RUNX1: variants seen among roughly 807,000 people sequenced by gnomAD.
The protein encoded by RUNX1 is runt-related transcription factor 1.
In RUNX1, 19 loss-of-function variants were observed where a neutral mutation model predicts 42.8. The observed-to-expected ratio is 0.44, with a 90% CI of 0.31 to 0.65. RUNX1 has a LOEUF of 0.65. RUNX1 is among the 30% of genes least tolerant of loss of function. RUNX1 has a pLI of 0.07. For synonymous variants in RUNX1, 271 were observed against 289.4 expected, an observed-to-expected ratio of 0.94 and a Z score of 0.64; for missense variants, 528 against 672.0, an observed-to-expected ratio of 0.79 and a Z score of 2.37.
At chr21:34,841,457 T>C (rs1204781208) in intron 6 of RUNX1, among the ~76,000 whole-genome samples, 1 of 152,180 alleles carries the variant, frequency 6.6e-6, no homozygotes, top group Middle Eastern at 3.2e-3. Flanking sequence ...GGGGCTTTCC[T>C]ACTCTGGGCC....
chr21:34,872,114 G>A (rs1368405000), intron 5 of RUNX1, among the ~76,000 whole-genome samples: 1 of 152,186 alleles, frequency 6.6e-6, no homozygotes, highest in African/African-American at 2.4e-5. Context: ...AAAGTGCTGG[G>A]ATTACAGGTG....
At chr21:34,853,452 G>A (rs1056350161) in intron 6 of RUNX1, among the ~76,000 whole-genome samples, 11 of 152,100 alleles carry the variant, frequency 7.2e-5, no homozygotes, top group Admixed American at 5.9e-4. Context: ...CTCAAAAAGC[G>A]GCCAGTGCAG....
intron 5 of RUNX1, among the ~76,000 whole-genome samples, chr21:34,862,173 G>C (rs1198125998): frequency 6.6e-6 from 1 of 151,978 alleles, no homozygotes; most frequent in Non-Finnish European, 1.5e-5. Flanking sequence ...TACAAGTTTG[G>C]GGATGCAATA....
intron 2 of RUNX1, among the ~76,000 whole-genome samples, chr21:34,926,541 AC>A (rs2058396373): frequency 1.7e-5 from 1 of 57,890 alleles, no homozygotes; most frequent in African/African-American, 4.9e-5. Context: ...TACAACAAAC[AC>A]AAATTGTGTT....
At chr21:35,035,238 T>A (rs1417382978) in intron 2 of RUNX1, among the ~76,000 whole-genome samples, 1 of 152,232 alleles carries the variant, frequency 6.6e-6, no homozygotes, top group Non-Finnish European at 1.5e-5. Context: ...ATCATCATCG[T>A]CACACTGTAC....
intron 3 of RUNX1, among the ~76,000 whole-genome samples, chr21:34,892,273 A>G (rs1008835357): frequency 4.6e-5 from 7 of 152,234 alleles, no homozygotes; most frequent in African/African-American, 1.7e-4. Context: ...CCTGCCATAC[A>G]CACTATCCAG....
intron 2 of RUNX1, among the ~76,000 whole-genome samples, chr21:34,985,045 G>A (rs1397738328): frequency 2.6e-5 from 4 of 152,156 alleles, no homozygotes; most frequent in African/African-American, 4.8e-5. Flanking sequence ...CACAGGTTAG[G>A]ATGAAAAAAT....
At chr21:34,997,382 T>TA (rs769097875) in intron 2 of RUNX1, among the ~76,000 whole-genome samples, 4 of 152,200 alleles carry the variant, frequency 2.6e-5, no homozygotes, top group Non-Finnish European at 4.4e-5. Context: ...TAGGGCAGTG[T>TA]AATGCCTATG....
rs758593641 is a variant in RUNX1, at chr21:34,834,430, T to C, written c.785A>G (p.Gln262Arg). 6.2e-7 allele frequency: 1 copy of C among 1,608,660 alleles called. No homozygotes were observed. Among genetic ancestry groups the C allele is most frequent in the South Asian group, 1.1e-5 (1 of 91,004 alleles). Residue 262 changes from glutamine to arginine, a missense_variant, in exon 7 of 9, where the codon CAG (glutamine) becomes CGG (arginine). By Grantham distance (43) the Gln-to-Arg change is conservative (BLOSUM62 1). Around this residue, in one of 3 missense-constraint regions of RUNX1, gnomAD observed 331 missense variants for 382.5 expected, o/e 0.87. Coordinates refer to ENST00000675419, the MANE Select transcript of RUNX1 (RefSeq NM_001754.5). ...CTTACCCTGCATCTGACTCTGAGGCTGAGGGTTAAAGGCAGTGGAGTGGTT... is the reference window on the plus strand; with the variant it reads ...CTTACCCTGCATCTGACTCTGAGGCCGAGGGTTAAAGGCAGTGGAGTGGTT... ...SLNHSTAFNP[Q>R]PQSQMQDTRQ...
At chr21:34,841,942 C>T (rs1187802723) in intron 6 of RUNX1, among the ~76,000 whole-genome samples, 1 of 152,122 alleles carries the variant, frequency 6.6e-6, no homozygotes, top group East Asian at 1.9e-4. Context: ...TGTATTTTTT[C>T]TGCACAGCCA....
chr21:35,048,771 G>T, intron 2 of RUNX1, 71 bp downstream of exon 2: 1 of 1,342,586 alleles, frequency 7.4e-7, no homozygotes, highest in Non-Finnish European at 1.1e-6. Context: ...GCACCGAGGT[G>T]AAACAAGCTG....
intron 3 of RUNX1, 153 bp from the exon 4 acceptor site, chr21:34,887,249 G>GT (rs2058010393): frequency 1.5e-6 from 1 of 651,050 alleles, no homozygotes; most frequent in Non-Finnish European, 2.3e-6. Context: ...GGGTGGGGGG[G>GT]GGCGGGGGTG....
intron 2 of RUNX1, among the ~76,000 whole-genome samples, chr21:34,908,088 T>G (rs1042884141): frequency 1.3e-5 from 2 of 152,270 alleles, no homozygotes; most frequent in South Asian, 4.1e-4. Flanking sequence ...GAAATTGTAT[T>G]TACAGAAAAT....
At chr21:34,917,254 T>C (rs1327027156) in intron 2 of RUNX1, among the ~76,000 whole-genome samples, 1 of 152,118 alleles carries the variant, frequency 6.6e-6, no homozygotes, top group Non-Finnish European at 1.5e-5. Flanking sequence ...CACATGTCTT[T>C]GTGAAGGGGC....
intron 6 of RUNX1, among the ~76,000 whole-genome samples, chr21:34,839,706 G>C (rs1054627619): frequency 6.6e-6 from 1 of 152,140 alleles, no homozygotes; most frequent in East Asian, 1.9e-4. Context: ...AGGGTGAAGG[G>C]CCTGAGAATT....
At chr21:34,848,504 G>A (rs1214232915) in intron 6 of RUNX1, among the ~76,000 whole-genome samples, 7 of 152,160 alleles carry the variant, frequency 4.6e-5, no homozygotes, top group South Asian at 2.1e-4. Flanking sequence ...GAGCAATCTC[G>A]GCTCACAGCA....
At chr21:34,891,522 C>T (rs2058080780) in intron 3 of RUNX1, among the ~76,000 whole-genome samples, 1 of 152,068 alleles carries the variant, frequency 6.6e-6, no homozygotes, top group Non-Finnish European at 1.5e-5. Context: ...GGAGCCTGCA[C>T]TTTCAAGGAC....
intron 6 of RUNX1, among the ~76,000 whole-genome samples, chr21:34,849,309 A>C (rs1185144209): frequency 2.0e-5 from 1 of 50,896 alleles, no homozygotes; most frequent in African/African-American, 7.6e-5. Flanking sequence ...TATATAATAT[A>C]TATTATATAT....
chr21:34,915,159 T>A (rs1397744242), intron 2 of RUNX1, among the ~76,000 whole-genome samples: 2 of 152,224 alleles, frequency 1.3e-5, no homozygotes, highest in Admixed American at 6.5e-5. Flanking sequence ...ACTTTTTTTT[T>A]AATTGCAAAG....
Sources: gnomAD v4.1 joint callset for allele counts (sites outside exome capture counted in the v4.1 genomes callset) on GRCh38, gnomAD v4.1.1 for gene constraint, gnomAD v4.1.1 regional missense constraint, MANE v1.5 for transcripts, NCBI Gene and HGNC (gene_info 2026-07-23, HGNC 2026-07-21) for gene names.